ZSWIM5: variants seen among roughly 807,000 people sequenced by gnomAD.
The protein encoded by ZSWIM5 is zinc finger SWIM domain-containing protein 5.
ZSWIM5 carries 55 observed loss-of-function variants against 119.6 expected under a neutral mutation model. The observed-to-expected ratio is 0.46, with a 90% CI of 0.37 to 0.58. The LOEUF is 0.58. Ranked by LOEUF, ZSWIM5 falls within the 20% of genes least tolerant of loss-of-function variation. The probability of loss-of-function intolerance (pLI) is 0.00; values close to 1 mark genes in which losing one functional copy is unlikely to be tolerated. For missense variants in ZSWIM5, 1,193 were observed against 1,512.8 expected (o/e 0.79, Z 3.51); for synonymous variants, 537 against 606.9 (o/e 0.88, Z 1.69).
At chr1:45,174,765 T>G (rs1645969344) in intron 1 of ZSWIM5, among the ~76,000 whole-genome samples, 1 of 151,896 alleles carries the variant, frequency 6.6e-6, no homozygotes, top group Admixed American at 6.6e-5. Context: ...ATTATCATAT[T>G]TATCCCTTTT....
At chr1:45,169,417 T>A (rs1373753152) in intron 1 of ZSWIM5, among the ~76,000 whole-genome samples, 1 of 152,060 alleles carries the variant, frequency 6.6e-6, no homozygotes, top group African/African-American at 2.4e-5. Flanking sequence ...GACAAAGATA[T>A]CATTACTTAA....
intron 1 of ZSWIM5, among the ~76,000 whole-genome samples, chr1:45,164,154 G>A (rs977281357): frequency 3.3e-5 from 5 of 152,130 alleles, no homozygotes; most frequent in African/African-American, 9.7e-5. Context: ...GAAGAGAGTG[G>A]GGGCCAATAT....
At chr1:45,155,849 TAAG>T (rs1645823984) in intron 1 of ZSWIM5, among the ~76,000 whole-genome samples, 1 of 152,076 alleles carries the variant, frequency 6.6e-6, no homozygotes, top group East Asian at 1.9e-4. Flanking sequence ...TGCAAAGGGA[TAAG>T]AAGGATTCGA....
At chr1:45,190,889 C>T (rs1437572311) in intron 1 of ZSWIM5, among the ~76,000 whole-genome samples, 1 of 141,952 alleles carries the variant, frequency 7.0e-6, no homozygotes, top group Non-Finnish European at 1.5e-5. Context: ...GCAGGTATTG[C>T]CTGTCGGAGA....
intron 1 of ZSWIM5, among the ~76,000 whole-genome samples, chr1:45,176,786 T>G (rs1253046171): frequency 6.6e-6 from 1 of 151,678 alleles, no homozygotes; most frequent in Non-Finnish European, 1.5e-5. Flanking sequence ...ATCTGAACAC[T>G]AACACCCTAT....
intron 2 of ZSWIM5, among the ~76,000 whole-genome samples, chr1:45,082,436 G>A (rs1645299423): frequency 1.3e-5 from 2 of 151,364 alleles, no homozygotes; most frequent in Admixed American, 6.6e-5. Flanking sequence ...GTTCTCTAAT[G>A]AATGGCAACA....
At chr1:45,145,059 A>G (rs144755471) in intron 1 of ZSWIM5, among the ~76,000 whole-genome samples, 1 of 152,320 alleles carries the variant, frequency 6.6e-6, no homozygotes, top group Non-Finnish European at 1.5e-5. Flanking sequence ...AGTACATGAA[A>G]AAATGTTCAG....
chr1:45,083,961 G>A (rs766641578), intron 2 of ZSWIM5, among the ~76,000 whole-genome samples: 1 of 152,114 alleles, frequency 6.6e-6, no homozygotes, highest in Non-Finnish European at 1.5e-5. Flanking sequence ...CCAGGCTGGA[G>A]TGCAGCGGTG....
At position 45,018,388 on chromosome 1, in the gene ZSWIM5, T is replaced by C; in HGVS notation, c.*66A>G. On this transcript the variant is annotated 3_prime_UTR_variant, in exon 14 of 14. Transcript: ENST00000359600. This position sits in a 1 kb window ranked among gnomAD's most constrained non-coding sequence, Gnocchi z 6.7. Reference sequence around the variant, plus strand: ...CTCTCAGGGTGGACAAATGTTTCAGTGCCCTTGGCCTGACCTGATACTACC... The same window carrying C: ...CTCTCAGGGTGGACAAATGTTTCAGCGCCCTTGGCCTGACCTGATACTACC... 2 of 1,555,464 alleles carry C rather than the reference T, an allele frequency of 1.3e-6. No individual in the cohort carries two copies. The highest frequency in any genetic ancestry group is 1.2e-5 in the South Asian group (1 of 80,376).
At chr1:45,060,788 C>T (rs1317857186) in intron 2 of ZSWIM5, among the ~76,000 whole-genome samples, 1 of 152,154 alleles carries the variant, frequency 6.6e-6, no homozygotes. Context: ...GATCCTTCCA[C>T]CTCAGCCTCC....
intron 1 of ZSWIM5, among the ~76,000 whole-genome samples, chr1:45,204,759 T>C (rs1223755408): frequency 6.6e-6 from 1 of 152,152 alleles, no homozygotes; most frequent in Non-Finnish European, 1.5e-5. Context: ...GAGCATATAG[T>C]GTACAATAAA....
In ZSWIM5 at chr1:45,070,325, A is replaced by G. The variant is rs186770629; in HGVS notation, c.953-10078T>C. 3.7e-4 allele frequency: 526 copies of G among 1,416,898 alleles called. No homozygotes were observed. The African/African-American group carries it at 5.2e-3, about 14-fold the overall frequency. The allele number at this position is 1,416,898 out of a possible 1,614,324, so 87.8% of individuals were successfully genotyped here. On this transcript the variant is annotated intron_variant, in intron 2 of 13. Transcript: ENST00000359600. The stretch of plus-strand genomic sequence containing the variant: ...TGAGGAAGTAAGACGCCACCACCAG[A>G]GCATACACAGTCATGGCCAACGGCA...
intron 1 of ZSWIM5, among the ~76,000 whole-genome samples, chr1:45,202,826 G>A (rs1467664553): frequency 2.0e-5 from 3 of 151,928 alleles, no homozygotes; most frequent in Non-Finnish European, 2.9e-5. Flanking sequence ...AAAATACAGT[G>A]GATAGCAAAA....
intron 1 of ZSWIM5, among the ~76,000 whole-genome samples, chr1:45,092,900 A>G (rs767225579): frequency 2.0e-5 from 3 of 152,236 alleles, no homozygotes; most frequent in Non-Finnish European, 4.4e-5. Context: ...CATACTTCTC[A>G]GCTGCCCATA....
intron 1 of ZSWIM5, among the ~76,000 whole-genome samples, chr1:45,103,348 C>T (rs1645451435): frequency 6.6e-6 from 1 of 152,150 alleles, no homozygotes; most frequent in East Asian, 1.9e-4. Context: ...ATGCTCAAAG[C>T]AACCCTACAA....
chr1:45,070,257 C>G (rs550589996), intron 2 of ZSWIM5: 121 of 1,470,422 alleles, frequency 8.2e-5, no homozygotes, highest in Non-Finnish European at 1.1e-4. Flanking sequence ...AGAACCAACA[C>G]TTGGAGGTTC....
chr1:45,114,079 C>T (rs1022740511), intron 1 of ZSWIM5, among the ~76,000 whole-genome samples: 6 of 152,194 alleles, frequency 3.9e-5, no homozygotes, highest in African/African-American at 1.4e-4. Context: ...TGAGCAGTGA[C>T]AATACATAAT....
At position 45,057,661 on chromosome 1, in the gene ZSWIM5, G is replaced by C. The variant is rs1645130590; in HGVS notation, c.1252+948C>G. On this transcript the variant is annotated intron_variant, in intron 4 of 13. Transcript: ENST00000359600. This position sits in a 1 kb window ranked among gnomAD's most constrained non-coding sequence, Gnocchi z 4.7. ...GACAGATTGGGCTTCCAGTGTTAGAGCCAAAACTTACTAGTGTGTGACCCT... is the reference window on the plus strand; with the variant it reads ...GACAGATTGGGCTTCCAGTGTTAGACCCAAAACTTACTAGTGTGTGACCCT... Among the ~76,000 whole-genome samples, 1 of 152,204 alleles carries C rather than the reference G, an allele frequency of 6.6e-6. No homozygotes were observed. The highest frequency in any genetic ancestry group is 6.5e-5 in the Admixed American group (1 of 15,276).
intron 5 of ZSWIM5, among the ~76,000 whole-genome samples, chr1:45,048,536 A>T (rs1645070934): frequency 6.6e-6 from 1 of 152,162 alleles, no homozygotes; most frequent in East Asian, 1.9e-4. Context: ...TCAGAGTGAA[A>T]ACACATTTTG....
Sources: allele counts gnomAD v4.1 joint callset (sites outside exome capture counted in the v4.1 genomes callset), GRCh38; gene constraint gnomAD v4.1.1; non-coding constraint Gnocchi (gnomAD v3.1); transcripts MANE v1.5; gene names NCBI Gene and HGNC (gene_info 2026-07-23, HGNC 2026-07-21).